Variants in GRIK2 observed in about 807,000 individuals in gnomAD.
GRIK2 encodes glutamate ionotropic receptor kainate type subunit 2.
A neutral mutation model predicts 100.3 loss-of-function variants in GRIK2; 32 were observed. That is an observed-to-expected ratio of 0.32 (90% CI 0.24 to 0.43). GRIK2 has a LOEUF of 0.43. Among genes scored for constraint, GRIK2 ranks in the 20% least tolerant of loss-of-function variants. The pLI, the probability that GRIK2 is intolerant of heterozygous loss-of-function variation, is 1.00. For missense variants in GRIK2, 843 were observed against 1,114.9 expected (o/e 0.76, Z 3.47); for synonymous variants, 417 against 389.4 (o/e 1.07, Z -0.83).
Position 101,760,422 on chromosome 6 carries a change from AAT to A in GRIK2, c.952-39225_952-39224del, listed in dbSNP as rs1254102510. ...AATTATATATTTATTATATATAATT[AAT>A]TATATTTAATTATATATTTATTATA... On this transcript the variant is annotated intron_variant, in intron 7 of 16. Transcript: ENST00000369134. Among the ~76,000 whole-genome samples the A allele has an allele frequency of 4.5e-4, 11 of 24,676 alleles. 1 individual carries two copies. Among genetic ancestry groups the A allele is most frequent in the Admixed American group, 1.2e-3 (1 of 804 alleles). The allele number at this position is 24,676 out of a possible 152,430, so 16.2% of individuals were successfully genotyped here.
intron 14 of GRIK2, chr6:101,993,594 G>A (rs1794490801): frequency 1.3e-5 from 2 of 150,756 alleles, no homozygotes; most frequent in Non-Finnish European, 3.0e-5. Context: ...TAACAATATA[G>A]TACTTTATGT....
chr6:101,707,081 T>C (rs576555438), intron 7 of GRIK2, among the ~76,000 whole-genome samples: 1 of 152,002 alleles, frequency 6.6e-6, no homozygotes, highest in East Asian at 1.9e-4. Context: ...ATGGATTCTG[T>C]GGCTGCATCA....
intron 4 of GRIK2, among the ~76,000 whole-genome samples, chr6:101,647,766 G>A (rs1781599649): frequency 6.6e-6 from 1 of 151,992 alleles, no homozygotes; most frequent in South Asian, 2.1e-4. Flanking sequence ...TTCAATATTA[G>A]AAAATGTACC....
chr6:101,823,245 T>C (rs981283846), intron 10 of GRIK2, among the ~76,000 whole-genome samples: 1 of 152,208 alleles, frequency 6.6e-6, no homozygotes, highest in African/African-American at 2.4e-5. Context: ...TTTACACATG[T>C]TTTTACTCCA....
chr6:101,729,436 A>AATT (rs1300106866), intron 7 of GRIK2, among the ~76,000 whole-genome samples: 1 of 151,980 alleles, frequency 6.6e-6, no homozygotes, highest in Non-Finnish European at 1.5e-5. Flanking sequence ...CTCCTTGGCT[A>AATT]ATTGTTCCAT....
intron 15 of GRIK2, among the ~76,000 whole-genome samples, chr6:102,050,648 TAAA>T (rs146553452): frequency 2.3e-5 from 1 of 43,332 alleles, no homozygotes; most frequent in Non-Finnish European, 4.8e-5. Context: ...AAACTCGGTC[TAAA>T]AAAAAAAAAA....
Position 101,393,927 on chromosome 6 carries a change from G to T in GRIK2, c.-294+90G>T, listed in dbSNP as rs545662185. Among the ~76,000 whole-genome samples, 12 of 152,298 alleles carry T rather than the reference G, an allele frequency of 7.9e-5. No homozygotes were observed. In the East Asian group the frequency reaches 2.3e-3, roughly 30 times the overall value. On this transcript the variant is annotated intron_variant, in intron 1 of 16. Transcript: ENST00000369134. ...ACGGGAGGGACTGCGGGTGGGCGAG[G>T]GGCATTTTCCACCTGGAGAGAAGGA...
chr6:101,978,262 G>A (rs1793517347), intron 14 of GRIK2, among the ~76,000 whole-genome samples: 1 of 151,822 alleles, frequency 6.6e-6, no homozygotes. Context: ...TCTTCATCAG[G>A]GAACTGAGAG....
chr6:101,836,619 TTA>T lies in GRIK2; in HGVS notation c.1317+18152_1317+18153del, dbSNP rs1562426735. On this transcript the variant is annotated intron_variant, in intron 10 of 16. Coordinates refer to ENST00000369134, the MANE Select transcript of GRIK2 (RefSeq NM_021956.5). ...TTGGGGCTTGTTGCTATATATATAG[TTA>T]TATATATATATATATGTATGTGTAT... is the stretch of plus-strand genomic sequence containing the variant. Among the ~76,000 whole-genome samples the T allele has an allele frequency of 2.8e-4, 38 of 135,102 alleles. 1 individual carries two copies. In the East Asian group the frequency reaches 7.2e-3, roughly 26 times the overall value. 88.6% of individuals were successfully genotyped at this position (135,102 alleles called of 152,430 possible). A position where few individuals can be genotyped will look rare whatever the true frequency, so the allele number is the denominator to read the frequency against.
intron 2 of GRIK2, among the ~76,000 whole-genome samples, chr6:101,540,100 A>C (rs981551429): frequency 6.6e-6 from 1 of 151,568 alleles, no homozygotes; most frequent in African/African-American, 2.4e-5. Flanking sequence ...TTAGATATTC[A>C]TTCAGAAATA....
chr6:101,502,873 T>C (rs1308102589), intron 2 of GRIK2, among the ~76,000 whole-genome samples: 1 of 152,202 alleles, frequency 6.6e-6, no homozygotes, highest in East Asian at 1.9e-4. Context: ...GATTGCAGGA[T>C]ACTCTAGAGT....
At chr6:101,932,318 C>T (rs534968332) in intron 14 of GRIK2, among the ~76,000 whole-genome samples, 65 of 152,074 alleles carry the variant, frequency 4.3e-4, no homozygotes, top group African/African-American at 1.5e-3. Flanking sequence ...AAAATGTTGG[C>T]ACATATTTTA....
At chr6:101,896,551 A>T (rs1265824648) in intron 12 of GRIK2, among the ~76,000 whole-genome samples, 1 of 151,770 alleles carries the variant, frequency 6.6e-6, no homozygotes, top group East Asian at 1.9e-4. Context: ...TCACATAAAT[A>T]TAATTTATTG....
intron 2 of GRIK2, among the ~76,000 whole-genome samples, chr6:101,441,624 C>T (rs764303380): frequency 1.7e-4 from 26 of 151,952 alleles, no homozygotes; most frequent in Non-Finnish European, 3.2e-4. Context: ...GTCTTTATGG[C>T]CTCATTTTTT....
intron 4 of GRIK2, among the ~76,000 whole-genome samples, chr6:101,645,427 C>T (rs1293833233): frequency 6.6e-6 from 1 of 151,730 alleles, no homozygotes; most frequent in South Asian, 2.1e-4. Context: ...CAATACATAA[C>T]AAGGTTGTTT....
chr6:101,589,009 TATA>T (rs1778518559), intron 2 of GRIK2, among the ~76,000 whole-genome samples: 1 of 152,068 alleles, frequency 6.6e-6, no homozygotes, highest in Non-Finnish European at 1.5e-5. Flanking sequence ...TAAGAATTAA[TATA>T]ATGATTATGT....
intron 2 of GRIK2, among the ~76,000 whole-genome samples, chr6:101,434,356 C>T (rs1362843207): frequency 2.6e-5 from 4 of 152,128 alleles, no homozygotes; most frequent in Non-Finnish European, 5.9e-5. Flanking sequence ...CAGGCAAACT[C>T]GAAATAGTGG....
intron 11 of GRIK2, among the ~76,000 whole-genome samples, chr6:101,874,256 C>G (rs1168893395): frequency 6.6e-6 from 1 of 151,988 alleles, no homozygotes; most frequent in Non-Finnish European, 1.5e-5. Flanking sequence ...TTTAATCCAT[C>G]GTGAATTAAT....
intron 7 of GRIK2, 91 bp from the exon 8 acceptor site, chr6:101,799,557 C>T: frequency 2.1e-6 from 2 of 946,560 alleles, no homozygotes; most frequent in Non-Finnish European, 3.4e-6. Flanking sequence ...ATATATTTCC[C>T]TTACCTCTTC....
Sources: gnomAD v4.1 joint callset for allele counts (sites outside exome capture counted in the v4.1 genomes callset) on GRCh38, gnomAD v4.1.1 for gene constraint, MANE v1.5 for transcripts, NCBI Gene and HGNC (gene_info 2026-07-23, HGNC 2026-07-21) for gene names.